SLF1: variants seen among roughly 807,000 people sequenced by gnomAD.
The protein encoded by SLF1 is SMC5-SMC6 complex localization factor protein 1.
A neutral mutation model predicts 123.0 loss-of-function variants in SLF1; 105 were observed. That is an observed-to-expected ratio of 0.85 (90% confidence interval 0.73 to 1.00). The LOEUF (loss-of-function observed/expected upper bound fraction) is 1.00. Ranked by LOEUF, SLF1 falls within the 50% of genes least tolerant of loss-of-function variation. SLF1 has a pLI of 0.00. For missense variants in SLF1, 1,239 were observed against 1,223.0 expected (o/e 1.01, Z -0.20); for synonymous variants, 434 against 406.6 (o/e 1.07, Z -0.81).
At chr5:94,633,517 G>T (rs1413137779) in intron 4 of SLF1, among the ~76,000 whole-genome samples, 2 of 152,158 alleles carry the variant, frequency 1.3e-5, no homozygotes, top group Non-Finnish European at 2.9e-5. Flanking sequence ...AACAAGGCAA[G>T]GATGCTGACT....
At chr5:94,651,873 T>G in intron 7 of SLF1, 28 bp downstream of exon 7, 1 of 1,184,708 alleles carries the variant, frequency 8.4e-7, no homozygotes, top group Admixed American at 3.3e-5. Context: ...AAAAATAATT[T>G]ATTTTTAATA....
chr5:94,620,782 A>C (rs1447195146), intron 1 of SLF1, among the ~76,000 whole-genome samples: 1 of 152,188 alleles, frequency 6.6e-6, no homozygotes, highest in African/African-American at 2.4e-5. Flanking sequence ...TTTTCACCTT[A>C]TAAGGGCATG....
intron 12 of SLF1, among the ~76,000 whole-genome samples, chr5:94,668,482 C>T (rs998596817): frequency 4.6e-5 from 7 of 151,984 alleles, no homozygotes; most frequent in South Asian, 4.2e-4. Context: ...TACAGGCATG[C>T]GCCACCACGC....
chr5:94,625,052 GGCTGGTGGTGGGT>G (rs1375103540), intron 1 of SLF1, among the ~76,000 whole-genome samples: 1 of 151,584 alleles, frequency 6.6e-6, no homozygotes, highest in Non-Finnish European at 1.5e-5. Flanking sequence ...AAATTAGCCA[GGCTGGTGGTGGGT>G]GCCTGTAGTC....
intron 15 of SLF1, among the ~76,000 whole-genome samples, chr5:94,685,907 T>G (rs983225319): frequency 1.3e-5 from 2 of 152,102 alleles, no homozygotes; most frequent in Non-Finnish European, 2.9e-5. Flanking sequence ...TCGTTATACA[T>G]GCTCGTTTCA....
In SLF1 at chr5:94,677,952, ACT is replaced by A. The variant is rs1183785035; in HGVS notation, c.1828-853_1828-852del. 3.3e-5 allele frequency among the ~76,000 whole-genome samples: 5 copies of A among 150,358 alleles called. No individual in the cohort carries two copies. In the East Asian group the frequency reaches 9.7e-4, roughly 29 times the overall value. On this transcript the variant is annotated intron_variant, in intron 14 of 20. Coordinates refer to ENST00000265140, the MANE Select transcript of SLF1 (RefSeq NM_032290.4). The stretch of plus-strand genomic sequence containing the variant: ...TTTTTTTTTTTTGAGACGGAGTCTC[ACT>A]CTGTCACCCAGGCTGGAGTGCAGTG...
In SLF1 at chr5:94,685,365, ATTC is replaced by A. The variant is rs1752294059; in HGVS notation, c.1976-1204_1976-1202del. ...TGCTAACTGTATTGACTTATTCTTTATTCTTCCAGTATTTATAGTTAATCTCCC... is the reference window on the plus strand; with the variant it reads ...TGCTAACTGTATTGACTTATTCTTTATTCCAGTATTTATAGTTAATCTCCC... On this transcript the variant is annotated intron_variant, in intron 15 of 20. Transcript: ENST00000265140. Among the ~76,000 whole-genome samples the A allele has an allele frequency of 3.9e-5, 6 of 152,090 alleles. No homozygotes were observed. The South Asian group carries it at 1.2e-3, about 31-fold the overall frequency.
Position 94,691,563 on chromosome 5 carries a change from G to T in SLF1, c.2420-1G>T. 1 of 1,603,460 alleles carries T rather than the reference G, an allele frequency of 6.2e-7. No homozygotes were observed. The highest frequency in any genetic ancestry group is 8.5e-7 in the Non-Finnish European group (1 of 1,176,784). ...AATAATCTATTAATTTTTTATGGCA[G>T]GAGAAACAGCCCTGCATAGAGCTTG... On this transcript the variant is annotated splice_acceptor_variant, in intron 18 of 20. Transcript: ENST00000265140. LOFTEE classifies it high-confidence loss of function.
At chr5:94,694,407 T>C (rs1201923899) in intron 20 of SLF1, among the ~76,000 whole-genome samples, 2 of 151,904 alleles carry the variant, frequency 1.3e-5, no homozygotes, top group East Asian at 1.9e-4. Context: ...TAGAATTGTT[T>C]ATTAGCAATG....
rs1749212359 is a variant in SLF1, at chr5:94,662,283, G to A, written c.1156-15G>A. ...CTTAAAATGTTGTTTTAATTATATG[G>A]TTGCTCTTTTGTAGGCTGTCAGATA... On this transcript the variant is annotated splice_polypyrimidine_tract_variant and intron_variant, in intron 9 of 20. Transcript: ENST00000265140. 6.5e-7 allele frequency: 1 copy of A among 1,536,844 alleles called. No homozygotes were observed. Among genetic ancestry groups the A allele is most frequent in the East Asian group, 2.5e-5 (1 of 40,474 alleles).
intron 15 of SLF1, among the ~76,000 whole-genome samples, chr5:94,684,975 C>T (rs538117200): frequency 7.2e-5 from 11 of 152,224 alleles, no homozygotes; most frequent in African/African-American, 9.6e-5. Flanking sequence ...TGTATTGCAG[C>T]GTCCTGGGCC....
At chr5:94,635,181 A>G (rs1349288169) in intron 4 of SLF1, among the ~76,000 whole-genome samples, 1 of 151,970 alleles carries the variant, frequency 6.6e-6, no homozygotes, top group Non-Finnish European at 1.5e-5. Context: ...TAATGTTTAC[A>G]GTTTTTCAAT....
At chr5:94,618,595 G>A (rs1791224268), upstream of SLF1, 2 of 154,510 alleles carry the variant, frequency 1.3e-5, no homozygotes, top group African/African-American at 4.8e-5. Flanking sequence ...GACGGCTCCG[G>A]AGCGTCACTG....
chr5:94,672,394 C>T (rs1278511849), intron 14 of SLF1, among the ~76,000 whole-genome samples: 1 of 151,894 alleles, frequency 6.6e-6, no homozygotes, highest in Non-Finnish European at 1.5e-5. Context: ...TTACGTTATA[C>T]CTTTTCTTCA....
At chr5:94,665,252 T>C (rs1379466664) in intron 11 of SLF1, among the ~76,000 whole-genome samples, 1 of 151,792 alleles carries the variant, frequency 6.6e-6, no homozygotes, top group Non-Finnish European at 1.5e-5. Flanking sequence ...TTAATTGCAG[T>C]TGTAGAACCT....
chr5:94,675,176 T>C (rs1750905293), intron 14 of SLF1, among the ~76,000 whole-genome samples: 1 of 152,224 alleles, frequency 6.6e-6, no homozygotes, highest in African/African-American at 2.4e-5. Context: ...TTGTTCTACT[T>C]TACAGATTAG....
intron 6 of SLF1, among the ~76,000 whole-genome samples, chr5:94,651,265 A>G (rs1024991348): frequency 2.0e-5 from 3 of 152,206 alleles, no homozygotes; most frequent in African/African-American, 7.2e-5. Context: ...TCGCACAATG[A>G]CGAAATCAAC....
chr5:94,656,087 C>T (rs1430915460), intron 9 of SLF1, among the ~76,000 whole-genome samples: 4 of 151,908 alleles, frequency 2.6e-5, no homozygotes, highest in African/African-American at 9.7e-5. Context: ...ATAGGTTTGT[C>T]ATGTATGACC....
chr5:94,653,301 T>A lies in SLF1; in HGVS notation c.912T>A (p.Ile304=), dbSNP rs1215578613. 8 of 1,531,598 alleles carry A rather than the reference T, an allele frequency of 5.2e-6. No individual in the cohort carries two copies. The East Asian group carries it at 2.0e-4, about 38-fold the overall frequency. 94.9% of individuals were successfully genotyped at this position (1,531,598 alleles called of 1,614,324 possible). Residue 304 remains isoleucine, a synonymous_variant, in exon 8 of 21, where the codon ATT becomes ATA. Coordinates refer to ENST00000265140, the MANE Select transcript of SLF1 (RefSeq NM_032290.4). ...QKEIKKKDED[I]QRSYTLRRKR... ...AAATTAAGAAAAAAGATGAAGATAT[T>A]CAGAGGAGTTATACTTTGAGGAGAA... is the stretch of plus-strand genomic sequence containing the variant.
Sources: gnomAD v4.1 joint callset for allele counts (sites outside exome capture counted in the v4.1 genomes callset) on GRCh38, gnomAD v4.1.1 for gene constraint, MANE v1.5 for transcripts, NCBI Gene and HGNC (gene_info 2026-07-23, HGNC 2026-07-21) for gene names.